The following CSMD1 variants were observed in gnomAD, a reference collection of about 807,000 sequenced individuals.
CSMD1 encodes CUB and sushi domain-containing protein 1.
Under a neutral mutation model 417.5 loss-of-function variants are expected in CSMD1, and 213 were observed. The observed-to-expected ratio is 0.51, with a 90% CI of 0.46 to 0.57. The LOEUF (loss-of-function observed/expected upper bound fraction) is 0.57, where lower values mean the gene tolerates loss of function less well. Among genes scored for constraint, CSMD1 ranks in the 20% least tolerant of loss-of-function variants. CSMD1 has a pLI of 0.00. For synonymous variants in CSMD1, 2,862 were observed against 1,736.8 expected (o/e 1.65, Z -16.11); for missense variants, 6,923 against 4,529.7 (o/e 1.53, Z -15.17).
At chr8:3,900,259 G>C (rs74515770) in intron 5 of CSMD1, among the ~76,000 whole-genome samples, 1 of 151,496 alleles carries the variant, frequency 6.6e-6, no homozygotes, top group Non-Finnish European at 1.5e-5. Context: ...GGGCAGCTGG[G>C]TGACAGCACA....
intron 12 of CSMD1, among the ~76,000 whole-genome samples, chr8:3,455,949 TG>T: frequency 6.6e-6 from 1 of 152,270 alleles, no homozygotes; most frequent in African/African-American, 2.4e-5. Flanking sequence ...TGAGCTGAGG[TG>T]GGCTCCACCC....
In CSMD1 at chr8:3,522,720, T is replaced by A. The variant is rs562375637; in HGVS notation, c.1345-28994A>T. On this transcript the variant is annotated intron_variant, in intron 10 of 69. Coordinates refer to ENST00000635120, the MANE Select transcript of CSMD1 (RefSeq NM_033225.6). ...GGTACATTCACACCGATACTGATTCTGCACCTTAATATGTGGCATTCGGGA... is the reference window on the plus strand; with the variant it reads ...GGTACATTCACACCGATACTGATTCAGCACCTTAATATGTGGCATTCGGGA... Among the ~76,000 whole-genome samples, 5 of 152,166 alleles carry A rather than the reference T, an allele frequency of 3.3e-5. No individual in the cohort carries two copies. In the South Asian group the frequency reaches 1.0e-3, roughly 32 times the overall value.
chr8:3,632,687 G>T (rs1011949696), intron 7 of CSMD1, among the ~76,000 whole-genome samples: 8 of 152,270 alleles, frequency 5.3e-5, no homozygotes, highest in African/African-American at 1.9e-4. Flanking sequence ...TCATCCATCA[G>T]TACTATTTAG....
At chr8:4,810,634 T>C (rs1585137456) in intron 1 of CSMD1, among the ~76,000 whole-genome samples, 1 of 152,228 alleles carries the variant, frequency 6.6e-6, no homozygotes, top group Non-Finnish European at 1.5e-5. Context: ...AATATGCAGA[T>C]AATATGATTT....
chr8:4,383,303 C>T (rs551630638), intron 3 of CSMD1, among the ~76,000 whole-genome samples: 4 of 152,148 alleles, frequency 2.6e-5, no homozygotes, highest in South Asian at 2.1e-4. Flanking sequence ...GAATGTTAGG[C>T]GGTGGGCATG....
intron 65 of CSMD1, among the ~76,000 whole-genome samples, chr8:2,952,564 C>T (rs527601107): frequency 6.6e-6 from 1 of 152,288 alleles, no homozygotes; most frequent in Admixed American, 6.5e-5. Flanking sequence ...GCTTATAAAT[C>T]ACTGATTTTA....
chr8:4,134,861 G>A (rs1055944973), intron 3 of CSMD1, among the ~76,000 whole-genome samples: 1 of 152,052 alleles, frequency 6.6e-6, no homozygotes, highest in Admixed American at 6.6e-5. Flanking sequence ...GCTTCCAATT[G>A]CTCCTAGAAT....
At chr8:3,895,600 T>C (rs541431178) in intron 5 of CSMD1, among the ~76,000 whole-genome samples, 2 of 152,350 alleles carry the variant, frequency 1.3e-5, no homozygotes, top group African/African-American at 4.8e-5. Flanking sequence ...TGCCCATATA[T>C]GTACCATTTA....
intron 26 of CSMD1, among the ~76,000 whole-genome samples, chr8:3,275,923 T>C (rs1444342299): frequency 1.3e-5 from 2 of 152,222 alleles, no homozygotes; most frequent in Non-Finnish European, 2.9e-5. Context: ...CCTTCTTCTC[T>C]CAGCTTGTCA....
chr8:3,115,258 A>G (rs184410664), intron 42 of CSMD1, among the ~76,000 whole-genome samples: 7 of 130,558 alleles, frequency 5.4e-5, no homozygotes, highest in Admixed American at 4.3e-4. Context: ...CTGGAGTGCA[A>G]TGGCGCTATC....
rs564320301 is a variant in CSMD1, at chr8:4,610,014, G to A, written c.302+27328C>T. Among the ~76,000 whole-genome samples, 10 of 150,956 alleles carry A rather than the reference G, an allele frequency of 6.6e-5. No homozygotes were observed. The South Asian group carries it at 1.3e-3, about 19-fold the overall frequency. On this transcript the variant is annotated intron_variant, in intron 2 of 69. Coordinates refer to ENST00000635120, the MANE Select transcript of CSMD1 (RefSeq NM_033225.6). Reference sequence around the variant, plus strand: ...AACCTATGGGAATGACCATTGCTTTGTGTCAGGGTTCAGGAAAAAAAAAAA... The same window carrying A: ...AACCTATGGGAATGACCATTGCTTTATGTCAGGGTTCAGGAAAAAAAAAAA...
chr8:4,763,389 C>T (rs1216877727), intron 1 of CSMD1, among the ~76,000 whole-genome samples: 2 of 152,118 alleles, frequency 1.3e-5, no homozygotes, highest in Non-Finnish European at 2.9e-5. Flanking sequence ...GGTTTTTAGG[C>T]AGTTAATTCA....
rs115131085 is a variant in CSMD1, at chr8:4,877,862, T to G, written c.85+116470A>C. Among the ~76,000 whole-genome samples the G allele has an allele frequency of 6.0e-3, 913 of 152,088 alleles. 17 individuals carry two copies. Among genetic ancestry groups the G allele is most frequent in the African/African-American group, 0.021 (878 of 41,410 alleles). The stretch of plus-strand genomic sequence containing the variant: ...CAAGTGAAAATATTTAAACAACAAA[T>G]TGCTCTACCCAGTGTAGCATCAAGG... On this transcript the variant is annotated intron_variant, in intron 1 of 69. Coordinates refer to ENST00000635120, the MANE Select transcript of CSMD1 (RefSeq NM_033225.6).
intron 33 of CSMD1, among the ~76,000 whole-genome samples, chr8:3,193,315 C>T (rs181776571): frequency 6.6e-6 from 1 of 152,154 alleles, no homozygotes; most frequent in African/African-American, 2.4e-5. Context: ...ATGAATAACA[C>T]CTGCATCTGG....
intron 1 of CSMD1, among the ~76,000 whole-genome samples, chr8:4,950,040 G>T (rs1808636323): frequency 6.6e-6 from 1 of 152,018 alleles, no homozygotes; most frequent in Non-Finnish European, 1.5e-5. Context: ...ATGAATAATG[G>T]CACAGGGAAG....
At chr8:4,183,327 A>C (rs972335721) in intron 3 of CSMD1, among the ~76,000 whole-genome samples, 1 of 152,214 alleles carries the variant, frequency 6.6e-6, no homozygotes, top group Non-Finnish European at 1.5e-5. Context: ...AAAATAATTT[A>C]TTCATGTCTG....
At chr8:3,491,146 C>T (rs886399472) in intron 11 of CSMD1, among the ~76,000 whole-genome samples, 3 of 152,132 alleles carry the variant, frequency 2.0e-5, no homozygotes, top group Non-Finnish European at 1.5e-5. Context: ...GCGGTGAGAG[C>T]GTGAGTGTCA....
intron 1 of CSMD1, among the ~76,000 whole-genome samples, chr8:4,768,182 A>T (rs1321348751): frequency 6.6e-6 from 1 of 152,152 alleles, no homozygotes; most frequent in East Asian, 1.9e-4. Flanking sequence ...ACATTGATGG[A>T]TGACTTTGGG....
intron 23 of CSMD1, among the ~76,000 whole-genome samples, chr8:3,338,015 T>C (rs976063574): frequency 6.6e-6 from 1 of 152,208 alleles, no homozygotes; most frequent in Non-Finnish European, 1.5e-5. Flanking sequence ...CTTTGGCAGA[T>C]GCTTTTATTT....
Sources: gnomAD v4.1 joint callset for allele counts (sites outside exome capture counted in the v4.1 genomes callset) on GRCh38, gnomAD v4.1.1 for gene constraint, MANE v1.5 for transcripts, NCBI Gene and HGNC (gene_info 2026-07-23, HGNC 2026-07-21) for gene names.